Variants in KANSL2 observed in about 807,000 individuals in gnomAD.
KANSL2 encodes the protein KAT8 regulatory NSL complex subunit 2.
A neutral mutation model predicts 55.6 loss-of-function variants in KANSL2; 34 were observed. That is an observed-to-expected ratio of 0.61 (90% CI 0.46 to 0.81). The LOEUF (loss-of-function observed/expected upper bound fraction) is 0.81, where lower values mean the gene tolerates loss of function less well. Among genes scored for constraint, KANSL2 ranks in the 40% least tolerant of loss-of-function variants. KANSL2 has a pLI of 0.00. For synonymous variants in KANSL2, 209 were observed against 214.3 expected (o/e 0.98, Z 0.22); for missense variants, 502 against 609.9 (o/e 0.82, Z 1.86).
intron 4 of KANSL2, among the ~76,000 whole-genome samples, chr12:48,676,191 C>T (rs1455672598): frequency 2.0e-5 from 3 of 152,172 alleles, no homozygotes; most frequent in African/African-American, 7.2e-5. Flanking sequence ...GAGCCTCAAC[C>T]TCCCAGGCTC....
intron 7 of KANSL2, 135 bp downstream of exon 7, chr12:48,667,558 A>G (rs1260662734): frequency 1.3e-6 from 1 of 777,590 alleles, no homozygotes; most frequent in African/African-American, 1.7e-5. Flanking sequence ...TGAAACCAAC[A>G]GCTTCAGCAA....
At position 48,656,273 on chromosome 12, in the gene KANSL2, TTTTG is replaced by T. The variant is rs760740047; in HGVS notation, c.1228-1217_1228-1214del. On this transcript the variant is annotated intron_variant, in intron 8 of 9. Coordinates refer to ENST00000420613, the MANE Select transcript of KANSL2 (RefSeq NM_017822.4). ...CAGAGCAACAACCTGGTTTTTTTTG[TTTTG>T]TTTTTTTTTTTTTTGAGACAGAGTC... Among the ~76,000 whole-genome samples the T allele has an allele frequency of 1.1e-3, 154 of 136,702 alleles. 1 individual carries two copies. The East Asian group carries it at 0.027, about 24-fold the overall frequency. The allele number at this position is 136,702 out of a possible 152,430, so 89.7% of individuals were successfully genotyped here.
intron 4 of KANSL2, among the ~76,000 whole-genome samples, chr12:48,678,774 A>G (rs2137205219): frequency 6.6e-6 from 1 of 152,180 alleles, no homozygotes; most frequent in African/African-American, 2.4e-5. Flanking sequence ...CCATGTCTAA[A>G]TTTCCTGTTT....
At chr12:48,668,987 T>C in intron 6 of KANSL2, 119 bp downstream of exon 6, 13 of 678,096 alleles carry the variant, frequency 1.9e-5, no homozygotes, top group South Asian at 3.2e-5. Flanking sequence ...GAGATCTCAG[T>C]GAGCCGACAT....
At chr12:48,675,522 TTTG>T (rs1180788616) in intron 4 of KANSL2, among the ~76,000 whole-genome samples, 1 of 152,100 alleles carries the variant, frequency 6.6e-6, no homozygotes, top group Non-Finnish European at 1.5e-5. Context: ...TAATATAGAG[TTTG>T]TTAAAATGAA....
intron 7 of KANSL2, chr12:48,667,332 C>T: frequency 3.5e-6 from 1 of 286,892 alleles, no homozygotes; most frequent in South Asian, 3.4e-5. Context: ...GATTTAACAG[C>T]ATTAGGATCC....
chr12:48,654,927 T>C lies in KANSL2; in HGVS notation c.1347+14A>G. 6.4e-7 allele frequency: 1 copy of C among 1,556,546 alleles called. No homozygotes were observed. On this transcript the variant is annotated intron_variant, in intron 9 of 9. Coordinates refer to ENST00000420613, the MANE Select transcript of KANSL2 (RefSeq NM_017822.4). ...ACTACATGAGGGAAACAGGTGGGAC[T>C]GTTCTTCACTTGCCAAAATATCCAC...
chr12:48,675,756 T>TAAAGAA (rs1366379360), intron 4 of KANSL2, among the ~76,000 whole-genome samples: 1 of 152,190 alleles, frequency 6.6e-6, no homozygotes, highest in Non-Finnish European at 1.5e-5. Context: ...CTCATTTACT[T>TAAAGAA]AAAGATGAAT....
Position 48,667,731 on chromosome 12 carries a change from G to A in KANSL2, c.935C>T (p.Ser312Phe). The A allele has an allele frequency of 6.2e-7, 1 of 1,613,830 alleles. No individual in the cohort carries two copies. The highest frequency in any genetic ancestry group is 8.5e-7 in the Non-Finnish European group (1 of 1,179,788). Residue 312 changes from serine to phenylalanine, a missense_variant, in exon 7 of 10, where the codon TCC becomes TTC. Ser to Phe is a radical substitution (Grantham distance 155). Transcript: ENST00000420613. The stretch of plus-strand genomic sequence containing the variant: ...TCTGGTCATTGGAAGAGACTGATTG[G>A]AACAACGAACATCATCCACAAAGGC... ...CLAFVDDVRC[S>F]NQSLPMTRHC...
chr12:48,669,029 G>T, intron 6 of KANSL2, 77 bp downstream of exon 6: 2 of 1,178,788 alleles, frequency 1.7e-6, no homozygotes, highest in South Asian at 1.8e-5. Context: ...GAGTGACAGT[G>T]CGAGACTCCG....
chr12:48,662,545 G>T, intron 7 of KANSL2: 5 of 1,261,396 alleles, frequency 4.0e-6, no homozygotes, highest in Non-Finnish European at 5.1e-6. Context: ...AAAAAGAAGG[G>T]AATGGTTAAC....
At chr12:48,682,103 C>A (rs933550966) in intron 1 of KANSL2, 84 bp downstream of exon 1, 11 of 702,986 alleles carry the variant, frequency 1.6e-5, no homozygotes, top group Non-Finnish European at 2.9e-5. Context: ...TGCTTTGAGG[C>A]GGAGTAGCAG....
rs753804337 is a variant in KANSL2 at position 48,671,893 on chromosome 12, C to G, written c.615G>C (p.Ser205=). 6.2e-7 allele frequency: 1 copy of G among 1,611,108 alleles called. No homozygotes were observed. The highest frequency in any genetic ancestry group is 8.5e-7 in the Non-Finnish European group (1 of 1,178,024). ...GTCGTTTAAACTGATCAATATACAACGACTGCAAACGAATTAGCTTTTCAC... is the reference window on the plus strand; with the variant it reads ...GTCGTTTAAACTGATCAATATACAAGGACTGCAAACGAATTAGCTTTTCAC... ...IMREKLIRLQ[S]LYIDQFKRLQ... is the part of the protein sequence containing the mutation. Residue 205 remains serine (S), a synonymous_variant, in exon 5 of 10, where the codon TCG becomes TCC. Transcript: ENST00000420613.
chr12:48,676,895 A>T (rs1222388244), intron 4 of KANSL2, among the ~76,000 whole-genome samples: 1 of 152,226 alleles, frequency 6.6e-6, no homozygotes, highest in African/African-American at 2.4e-5. Context: ...AAATGTGGTT[A>T]AACTATTAGA....
chr12:48,679,506 C>A (rs940282770), intron 3 of KANSL2, 149 bp downstream of exon 3: 4 of 675,970 alleles, frequency 5.9e-6, no homozygotes, highest in African/African-American at 5.4e-5. Flanking sequence ...TTCAAAAGAA[C>A]TGGTAAACAA....
Position 48,681,478 on chromosome 12 carries a change from T to C in KANSL2, c.155A>G (p.Glu52Gly), listed in dbSNP as rs1290759271. ...GQEFCIKHILEDKNAPFKQCS... is the reference protein window; with the variant it reads ...GQEFCIKHILGDKNAPFKQCS... ...CTGCTTGAAGGGTGCATTCTTGTCTTCAAGGATATGCTTAATGCAAAACTC... is the reference window on the plus strand; with the variant it reads ...CTGCTTGAAGGGTGCATTCTTGTCTCCAAGGATATGCTTAATGCAAAACTC... The change falls in exon 2 of 10, where the codon GAA becomes GGA. Residue 52 changes from glutamate to glycine, a missense_variant. Transcript: ENST00000420613. The C allele has an allele frequency of 1.9e-6, 3 of 1,613,880 alleles. No homozygotes were observed. Among genetic ancestry groups the C allele is most frequent in the African/African-American group, 1.3e-5 (1 of 74,916 alleles).
chr12:48,670,178 G>A (rs563536932), intron 5 of KANSL2, among the ~76,000 whole-genome samples: 30 of 138,430 alleles, frequency 2.2e-4, no homozygotes, highest in Non-Finnish European at 3.2e-4. Flanking sequence ...CCAGCCTGGC[G>A]ACAGAGTGAG....
At chr12:48,661,767 A>G (rs59708884) in intron 7 of KANSL2, among the ~76,000 whole-genome samples, 2,917 of 152,298 alleles carry the variant, frequency 0.019, 97 homozygotes, top group African/African-American at 0.067. Context: ...CCAACACTGT[A>G]GGCCAGGTAC....
chr12:48,664,249 C>CAT (rs1228679940), intron 7 of KANSL2, among the ~76,000 whole-genome samples: 1 of 150,346 alleles, frequency 6.7e-6, no homozygotes, highest in Admixed American at 6.7e-5. Context: ...TAAATCTGCC[C>CAT]ATAGCCTCTG....
Sources: allele counts gnomAD v4.1 joint callset (sites outside exome capture counted in the v4.1 genomes callset), GRCh38; gene constraint gnomAD v4.1.1; transcripts MANE v1.5; gene names NCBI Gene and HGNC (gene_info 2026-07-23, HGNC 2026-07-21).